TNS1: variants seen among roughly 807,000 people sequenced by gnomAD.
TNS1 encodes tensin-1.
TNS1 carries 62 observed loss-of-function variants against 168.6 expected under a neutral mutation model. The observed-to-expected ratio is 0.37, with a 90% confidence interval of 0.30 to 0.45. The LOEUF is 0.45. Among genes scored for constraint, TNS1 ranks in the 20% least tolerant of loss-of-function variants. The pLI is 1.00. For synonymous variants in TNS1, 934 were observed against 933.2 expected, an observed-to-expected ratio of 1.00 and a Z score of -0.02; for missense variants, 2,240 against 2,339.4, an observed-to-expected ratio of 0.96 and a Z score of 0.88.
At chr2:217,919,943 T>C (rs1262048378) in intron 4 of TNS1, among the ~76,000 whole-genome samples, 1 of 152,194 alleles carries the variant, frequency 6.6e-6, no homozygotes, top group Non-Finnish European at 1.5e-5. Flanking sequence ...ACACACAAGA[T>C]GCCCTTTTAT....
chr2:217,964,447 C>T (rs1008828570), intron 3 of TNS1, among the ~76,000 whole-genome samples: 5 of 152,182 alleles, frequency 3.3e-5, no homozygotes, highest in African/African-American at 1.2e-4. Flanking sequence ...GGCTCAAGTC[C>T]CCGGTCCTGG....
intron 1 of TNS1, among the ~76,000 whole-genome samples, chr2:218,018,541 C>T (rs950938952): frequency 4.6e-5 from 7 of 152,232 alleles, no homozygotes; most frequent in Non-Finnish European, 1.0e-4. Context: ...CCGCTTCTCA[C>T]GCAGACATCT....
intron 4 of TNS1, among the ~76,000 whole-genome samples, chr2:217,909,558 G>A (rs990960122): frequency 2.2e-4 from 30 of 138,456 alleles, no homozygotes; most frequent in African/African-American, 7.8e-4. Flanking sequence ...TTGACCCACA[G>A]GTGCCTGGGT....
intron 3 of TNS1, among the ~76,000 whole-genome samples, chr2:217,953,286 G>A (rs1215035628): frequency 6.6e-6 from 1 of 152,172 alleles, no homozygotes; most frequent in Admixed American, 6.5e-5. Context: ...AACAGCTACA[G>A]CCCCGCCCTC....
At chr2:217,919,061 C>T (rs1955442402) in intron 4 of TNS1, among the ~76,000 whole-genome samples, 1 of 152,228 alleles carries the variant, frequency 6.6e-6, no homozygotes. Context: ...CTTCTGTGCA[C>T]TTCATTTCAC....
intron 32 of TNS1, among the ~76,000 whole-genome samples, chr2:217,806,231 C>A (rs377554602): frequency 3.3e-5 from 5 of 152,376 alleles, no homozygotes; most frequent in East Asian, 1.9e-4. Context: ...ATAGCCCAGT[C>A]CTGTCATCTG....
chr2:217,924,446 G>C (rs1258559156), intron 3 of TNS1, among the ~76,000 whole-genome samples: 2 of 152,202 alleles, frequency 1.3e-5, no homozygotes, highest in South Asian at 2.1e-4. Flanking sequence ...TCCTCCTCTA[G>C]AAAACAAGTG....
chr2:217,893,532 G>A lies in TNS1; in HGVS notation c.624C>T (p.His208=), dbSNP rs759338573. Residue 208 remains histidine (H), a synonymous_variant, in exon 10 of 33, where the codon CAC becomes CAT. Coordinates refer to ENST00000682258, the MANE Select transcript of TNS1 (RefSeq NM_001387777.1). ...KVLEFGWPDL[H]TPALEKICSI... ...TGCAGATCTTCTCCAGGGCTGGGGT[G>A]TGGAGGTCGGGCCAGCCAAATTCCA... The A allele has an allele frequency of 9.3e-6, 15 of 1,612,910 alleles. No individual in the cohort carries two copies. The Admixed American group carries it at 2.3e-4, about 25-fold the overall frequency.
chr2:218,006,851 C>A (rs189657733), upstream of TNS1, among the ~76,000 whole-genome samples: 144 of 152,236 alleles, frequency 9.5e-4, 1 homozygote, highest in African/African-American at 3.3e-3. Context: ...AAGGTCCAAG[C>A]GAATGTGTTT....
chr2:217,945,199 C>T (rs375845755), intron 3 of TNS1, among the ~76,000 whole-genome samples: 60 of 152,342 alleles, frequency 3.9e-4, no homozygotes, highest in African/African-American at 1.4e-3. Context: ...GTGGCCTGCA[C>T]CTCCGAGCCT....
At chr2:217,967,876 G>T (rs1382242723) in intron 3 of TNS1, among the ~76,000 whole-genome samples, 1 of 152,106 alleles carries the variant, frequency 6.6e-6, no homozygotes, top group East Asian at 1.9e-4. Context: ...TATCTCTTTC[G>T]AATATAGATG....
intron 22 of TNS1, among the ~76,000 whole-genome samples, chr2:217,824,604 G>T (rs978436176): frequency 2.6e-5 from 4 of 152,128 alleles, no homozygotes; most frequent in African/African-American, 9.7e-5. Context: ...TCTGCAAGTC[G>T]GGAAGCCAAT....
At chr2:218,004,816 A>G (rs1574478891), upstream of TNS1, among the ~76,000 whole-genome samples, 1 of 152,284 alleles carries the variant, frequency 6.6e-6, no homozygotes, top group East Asian at 1.9e-4. Context: ...CAGGATCACA[A>G]TGTCCCTCTG....
At chr2:218,006,809 T>G (rs972086335), upstream of TNS1, among the ~76,000 whole-genome samples, 14 of 151,946 alleles carry the variant, frequency 9.2e-5, no homozygotes, top group African/African-American at 3.4e-4. Context: ...AATACAAATT[T>G]GAAAGTGTTG....
At chr2:217,849,276 G>C (rs536743883) in intron 18 of TNS1, among the ~76,000 whole-genome samples, 189 bp from the exon 19 acceptor site, 1 of 152,342 alleles carries the variant, frequency 6.6e-6, no homozygotes, top group South Asian at 2.1e-4. Context: ...CTTTGGGGCA[G>C]AGCCTCACCA....
rs193002339 is a variant in TNS1 at position 217,805,214 on chromosome 2, C to T, written c.5376-611G>A. ...GACTGGAGTGACCCAGCATTCTCTT[C>T]GCAAAACAGAGTTAAAAATATGAGG... On this transcript the variant is annotated intron_variant, in intron 32 of 32. Transcript: ENST00000682258. Among the ~76,000 whole-genome samples, 239 of 151,466 alleles carry T rather than the reference C, an allele frequency of 1.6e-3. 2 individuals carry two copies. Among genetic ancestry groups the T allele is most frequent in the South Asian group, 2.7e-3 (13 of 4,754 alleles).
chr2:217,991,354 G>A lies in TNS1; in HGVS notation c.34-298C>T, dbSNP rs191684196. The stretch of plus-strand genomic sequence containing the variant: ...TGGCTTTTTTTCATTTATTATGAAG[G>A]CATGGCTCACACACAGCAGACTGCA... On this transcript the variant is annotated intron_variant, in intron 1 of 32. Coordinates refer to ENST00000682258, the MANE Select transcript of TNS1 (RefSeq NM_001387777.1). Among the ~76,000 whole-genome samples the A allele has an allele frequency of 3.3e-5, 5 of 152,102 alleles. No individual in the cohort carries two copies. In the East Asian group the frequency reaches 9.7e-4, roughly 29 times the overall value.
intron 3 of TNS1, among the ~76,000 whole-genome samples, chr2:217,954,579 T>C (rs963867060): frequency 2.0e-5 from 3 of 152,028 alleles, no homozygotes; most frequent in South Asian, 4.2e-4. Flanking sequence ...GGCTAGGGAG[T>C]GATCAAGGCA....
At chr2:217,918,583 CT>C (rs771407406) in intron 4 of TNS1, among the ~76,000 whole-genome samples, 2 of 152,340 alleles carry the variant, frequency 1.3e-5, no homozygotes, top group Admixed American at 6.5e-5. Flanking sequence ...TCTGACCGCT[CT>C]TCATGTAAAC....
Sources: gnomAD v4.1 joint callset for allele counts (sites outside exome capture counted in the v4.1 genomes callset) on GRCh38, gnomAD v4.1.1 for gene constraint, MANE v1.5 for transcripts, NCBI Gene and HGNC (gene_info 2026-07-23, HGNC 2026-07-21) for gene names.